UBR4: variants seen among roughly 807,000 people sequenced by gnomAD.
The protein encoded by UBR4 is ubiquitin protein ligase E3 component n-recognin 4.
Under a neutral mutation model 575.6 loss-of-function variants are expected in UBR4, and 124 were observed. The observed-to-expected ratio is 0.22, with a 90% CI of 0.19 to 0.25. The LOEUF (loss-of-function observed/expected upper bound fraction) is 0.25, where lower values mean the gene tolerates loss of function less well. Among genes scored for constraint, UBR4 ranks in the 10% least tolerant of loss-of-function variants. The probability of loss-of-function intolerance (pLI) is 1.00; values close to 1 mark genes in which losing one functional copy is unlikely to be tolerated. For missense variants in UBR4, 4,818 were observed against 6,478.8 expected (o/e 0.74, Z 8.80); for synonymous variants, 2,455 against 2,473.7 (o/e 0.99, Z 0.22).
chr1:19,166,948 G>A, intron 29 of UBR4, 74 bp downstream of exon 29: 1 of 1,485,180 alleles, frequency 6.7e-7, no homozygotes, highest in Admixed American at 1.7e-5. Context: ...TGACCTAAAG[G>A]CAGCAGTGTT....
At chr1:19,197,021 T>C (rs1363788287) in intron 8 of UBR4, 120 bp downstream of exon 8, 2 of 1,240,844 alleles carry the variant, frequency 1.6e-6, no homozygotes, top group East Asian at 2.4e-5. Context: ...CGACGTTAGA[T>C]GATCCTTGAG....
chr1:19,099,973 T>C (rs2078453396), intron 89 of UBR4: 1 of 446,900 alleles, frequency 2.2e-6, no homozygotes, highest in Non-Finnish European at 4.0e-6. Flanking sequence ...TATGTAAAAA[T>C]GTCAGACCCT....
intron 54 of UBR4, among the ~76,000 whole-genome samples, chr1:19,144,560 G>A (rs2084576093): frequency 6.6e-6 from 1 of 152,160 alleles, no homozygotes; most frequent in Non-Finnish European, 1.5e-5. Flanking sequence ...GCAAGCAGTA[G>A]GCTGTCCCTG....
intron 49 of UBR4, among the ~76,000 whole-genome samples, chr1:19,148,841 G>T (rs1201317120): frequency 2.0e-5 from 3 of 152,162 alleles, no homozygotes; most frequent in African/African-American, 7.2e-5. Flanking sequence ...TCAACCTGAG[G>T]CCATGTTCGT....
Position 19,198,991 on chromosome 1 carries a change from A to C in UBR4, c.379-63T>G, listed in dbSNP as rs16862588. On this transcript the variant is annotated intron_variant, in intron 3 of 105. Coordinates refer to ENST00000375254, the MANE Select transcript of UBR4 (RefSeq NM_020765.3). ...ACAAATAGATCTTTCAGAAAATTCT[A>C]CTCTTTTGGAAATTCTAACTGGCAC... 2.9e-3 allele frequency: 4,519 copies of C among 1,562,420 alleles called. 65 individuals carry two copies. The African/African-American group carries it at 0.039, about 14-fold the overall frequency.
Position 19,153,732 on chromosome 1 carries a change from A to G in UBR4, c.6630+36T>C. ...ACAAACATAAAAAGAGACCAGGTTC[A>G]CAGCAAAGTAATGAATGGGAAAATC... On this transcript the variant is annotated intron_variant, in intron 45 of 105. Coordinates refer to ENST00000375254, the MANE Select transcript of UBR4 (RefSeq NM_020765.3). This position sits in a 1 kb window ranked among gnomAD's most constrained non-coding sequence, Gnocchi z 4.1. 6.3e-7 allele frequency: 1 copy of G among 1,596,814 alleles called. No homozygotes were observed. Among genetic ancestry groups the G allele is most frequent in the Non-Finnish European group, 8.5e-7 (1 of 1,172,058 alleles).
chr1:19,201,950 G>T, intron 1 of UBR4, 135 bp from the exon 2 acceptor site: 1 of 730,750 alleles, frequency 1.4e-6, no homozygotes, highest in East Asian at 3.2e-5. Flanking sequence ...CTTCAAGACT[G>T]GGAAAGATGA....
chr1:19,109,349 TTAA>T (rs1189861479), intron 81 of UBR4, among the ~76,000 whole-genome samples: 1 of 152,248 alleles, frequency 6.6e-6, no homozygotes, highest in African/African-American at 2.4e-5. Context: ...ATTTATTCAC[TTAA>T]TAATAATTCA....
intron 1 of UBR4, among the ~76,000 whole-genome samples, 165 bp downstream of exon 1, chr1:19,209,908 G>A (rs1197756144): frequency 1.3e-5 from 2 of 152,324 alleles, no homozygotes; most frequent in East Asian, 1.9e-4. Flanking sequence ...TTGGCGGAGG[G>A]AAACCCAGGC....
Position 19,076,848 on chromosome 1 carries a change from T to C in UBR4, c.15379A>G (p.Ile5127Val), listed in dbSNP as rs764444165. ...GGWSCSLAEY[I>V]RHNDMPIYEA... ...TAGATGGGCATGTCGTTGTGGCGGA[T>C]GTACTCAGCGAGAGAGCAGGACCAG... The change falls in exon 105 of 106, where the codon ATC (isoleucine) becomes GTC (valine). Residue 5127 changes from isoleucine to valine, a missense_variant. Physicochemically the swap from Ile to Val is conservative, Grantham distance 29. Around this residue, in one of 29 missense-constraint regions of UBR4, gnomAD observed 212 missense variants for 221.3 expected, o/e 0.96. Coordinates refer to ENST00000375254, the MANE Select transcript of UBR4 (RefSeq NM_020765.3). 1 of 1,611,598 alleles carries C rather than the reference T, an allele frequency of 6.2e-7. No individual in the cohort carries two copies. The highest frequency in any genetic ancestry group is 8.5e-7 in the Non-Finnish European group (1 of 1,178,944).
At chr1:19,126,363 C>A in intron 64 of UBR4, 83 bp downstream of exon 64, 1 of 1,543,990 alleles carries the variant, frequency 6.5e-7, no homozygotes, top group African/African-American at 1.4e-5. Context: ...ACCCTCAGCC[C>A]CTTGAGCTCT....
Position 19,161,687 on chromosome 1 carries a change from C to A in UBR4, c.5077G>T (p.Val1693Leu). 1 of 1,613,996 alleles carries A rather than the reference C, an allele frequency of 6.2e-7. No homozygotes were observed. The highest frequency in any genetic ancestry group is 1.1e-5 in the South Asian group (1 of 91,054). ...KMVDGVGVCTVCAKVCHKDHE... is the reference protein window; with the variant it reads ...KMVDGVGVCTLCAKVCHKDHE... Reference sequence around the variant, plus strand: ...TCCTTGTGGCACACCTTAGCACACACTGTGCAGACACCCACGCCATCCACC... The same window carrying A: ...TCCTTGTGGCACACCTTAGCACACAATGTGCAGACACCCACGCCATCCACC... The change falls in exon 37 of 106, where the codon GTG becomes TTG. Residue 1693 changes from valine (V) to leucine (L), a missense_variant. By Grantham distance (32) the Val-to-Leu change is conservative. Coordinates refer to ENST00000375254, the MANE Select transcript of UBR4 (RefSeq NM_020765.3).
At chr1:19,155,755 G>C in intron 42 of UBR4, 87 bp from the exon 43 acceptor site, 1 of 1,140,356 alleles carries the variant, frequency 8.8e-7, no homozygotes, top group Non-Finnish European at 1.3e-6. Flanking sequence ...AGCCGGAACT[G>C]ACCAATAACA....
intron 75 of UBR4, 27 bp from the exon 76 acceptor site, chr1:19,114,097 T>C (rs1451426938): frequency 6.2e-7 from 1 of 1,600,234 alleles, no homozygotes; most frequent in Non-Finnish European, 8.6e-7. Flanking sequence ...AGGGACTGAG[T>C]GAAGGCTTTT....
chr1:19,134,315 T>C (rs2082936729), intron 60 of UBR4, among the ~76,000 whole-genome samples: 1 of 151,896 alleles, frequency 6.6e-6, no homozygotes, highest in African/African-American at 2.4e-5. Flanking sequence ...TGTGCCTAGC[T>C]ACTCAGAAGG....
At chr1:19,076,252 G>T (rs965249548) in intron 105 of UBR4, among the ~76,000 whole-genome samples, 10 of 152,256 alleles carry the variant, frequency 6.6e-5, no homozygotes, top group African/African-American at 1.7e-4. Context: ...GAGCGGCCCT[G>T]CTGGGTCGCC....
intron 17 of UBR4, among the ~76,000 whole-genome samples, chr1:19,181,566 ATCTCCCTCCTT>A (rs2090962184): frequency 6.6e-6 from 1 of 152,038 alleles, no homozygotes; most frequent in Non-Finnish European, 1.5e-5. Context: ...TCCTATGCCT[ATCTCCCTCCTT>A]TTTCATGATC....
rs1254462325 is a variant in UBR4, at chr1:19,175,033, T to A, written c.2774A>T (p.Asp925Val). The A allele has an allele frequency of 4.3e-6, 7 of 1,613,292 alleles. No homozygotes were observed. The highest frequency in any genetic ancestry group is 2.2e-5 in the East Asian group (1 of 44,868). ...GTAGAATCTGGGGTGTGGGACAGCA[T>A]CTGAAAAGTAATATGCTGATTAAAA... ...EENWSKHFSS[D>V]AVPHPRFYCV... Residue 925 changes from aspartate (D) to valine (V), a missense_variant and splice_region_variant, in exon 21 of 106, where the codon GAT (aspartate) becomes GTT (valine). Asp to Val is a radical substitution (Grantham distance 152). Around this residue, in one of 29 missense-constraint regions of UBR4, gnomAD observed 1,172 missense variants for 1,259.7 expected, o/e 0.93. Coordinates refer to ENST00000375254, the MANE Select transcript of UBR4 (RefSeq NM_020765.3).
rs750582220 is a variant in UBR4 at position 19,128,999 on chromosome 1, GAC to G, written c.8980_8981del (p.Val2994ProfsTer21). 6.2e-7 allele frequency: 1 copy of G among 1,614,044 alleles called. No homozygotes were observed. On this transcript the variant is annotated frameshift_variant, in exon 61 of 106. Transcript: ENST00000375254. LOFTEE classifies it high-confidence loss of function. ...ATACCTGCATGTATGGGATGGCCCG[GAC>G]ACCGCCAACGTTTCGTAATTGAGGC... ...TLPQLRNVGG[V>X]RAIPYMQVIL...
Sources: allele counts gnomAD v4.1 joint callset (sites outside exome capture counted in the v4.1 genomes callset), GRCh38; gene constraint gnomAD v4.1.1; regional missense constraint gnomAD v4.1.1; non-coding constraint Gnocchi (gnomAD v3.1); transcripts MANE v1.5; gene names NCBI Gene and HGNC (gene_info 2026-07-23, HGNC 2026-07-21).